NKAIN3: variants seen among roughly 807,000 people sequenced by gnomAD.
NKAIN3 encodes sodium/potassium-transporting ATPase subunit beta-1-interacting protein 3.
Under a neutral mutation model 30.2 loss-of-function variants are expected in NKAIN3, and 25 were observed. The ratio of observed to expected loss-of-function variants is 0.83; its 90% CI spans 0.60 to 1.16. The LOEUF (loss-of-function observed/expected upper bound fraction) is 1.16, where lower values mean the gene tolerates loss of function less well. Ranked by LOEUF, NKAIN3 falls within the 50% of genes most tolerant of loss-of-function variation. The probability of loss-of-function intolerance (pLI) is 0.00; values close to 1 mark genes in which losing one functional copy is unlikely to be tolerated. For synonymous variants in NKAIN3, 91 were observed against 89.6 expected (o/e 1.02, Z -0.09); for missense variants, 225 against 254.1 (o/e 0.89, Z 0.78).
chr8:62,296,217 T>C (rs1813823930), intron 1 of NKAIN3, among the ~76,000 whole-genome samples: 1 of 152,130 alleles, frequency 6.6e-6, no homozygotes, highest in Non-Finnish European at 1.5e-5. Context: ...TCCTGGAATG[T>C]TTGCTGCTAT....
rs555018116 is a variant in NKAIN3 at position 62,520,285 on chromosome 8, G to A, written c.55-59254G>A. On this transcript the variant is annotated intron_variant, in intron 1 of 6. Transcript: ENST00000623646. ...TACTGTGTCAGATTTATGATACTTAGGGAAGTATAATAAAAGATTTTCCAC... is the reference window on the plus strand; with the variant it reads ...TACTGTGTCAGATTTATGATACTTAAGGAAGTATAATAAAAGATTTTCCAC... 2.0e-5 allele frequency among the ~76,000 whole-genome samples: 3 copies of A among 152,068 alleles called. No homozygotes were observed. In the South Asian group the frequency reaches 6.2e-4, roughly 32 times the overall value.
At chr8:62,827,376 C>G (rs904404409) in intron 4 of NKAIN3, among the ~76,000 whole-genome samples, 8 of 152,148 alleles carry the variant, frequency 5.3e-5, no homozygotes, top group African/African-American at 1.9e-4. Flanking sequence ...AAAAAAATAG[C>G]CTTACAGGTT....
intron 3 of NKAIN3, among the ~76,000 whole-genome samples, chr8:62,636,751 C>T (rs1291626681): frequency 2.0e-5 from 3 of 152,180 alleles, no homozygotes; most frequent in South Asian, 2.1e-4. Flanking sequence ...TTGTAAACAA[C>T]AAAAAATCAT....
At chr8:62,322,471 C>T (rs549480307) in intron 1 of NKAIN3, among the ~76,000 whole-genome samples, 1 of 152,204 alleles carries the variant, frequency 6.6e-6, no homozygotes, top group African/African-American at 2.4e-5. Flanking sequence ...CTTGGCTCCA[C>T]CCCAGGATTT....
At position 62,979,216 on chromosome 8, in the gene NKAIN3, T is replaced by C. The variant is rs1426707757; in HGVS notation, c.*13809T>C. 2 of 152,062 alleles carry C rather than the reference T, an allele frequency of 1.3e-5. No individual in the cohort carries two copies. The highest frequency in any genetic ancestry group is 2.1e-4 in the South Asian group (1 of 4,814). 9.4% of individuals were successfully genotyped at this position (152,062 alleles called of 1,614,324 possible). ...TTGCATATTCTTCCTAGGCTGGGTGTGTGTGTGTGAAAGAGAGAGAGAAAC... is the reference window on the plus strand; with the variant it reads ...TTGCATATTCTTCCTAGGCTGGGTGCGTGTGTGTGAAAGAGAGAGAGAAAC... On this transcript the variant is annotated 3_prime_UTR_variant, in exon 7 of 7. Transcript: ENST00000623646.
intron 1 of NKAIN3, among the ~76,000 whole-genome samples, chr8:62,535,423 G>A (rs760288432): frequency 3.9e-5 from 6 of 151,908 alleles, no homozygotes; most frequent in Non-Finnish European, 8.8e-5. Context: ...CTCACAGGTT[G>A]AGGGCTCAGT....
chr8:62,919,858 G>C (rs1471456027), intron 5 of NKAIN3, among the ~76,000 whole-genome samples: 1 of 151,716 alleles, frequency 6.6e-6, no homozygotes, highest in Non-Finnish European at 1.5e-5. Flanking sequence ...GTATCAGGCA[G>C]TGAAAGCATG....
rs574635733 is a variant in NKAIN3 at position 62,450,859 on chromosome 8, A to G, written c.55-128680A>G. On this transcript the variant is annotated intron_variant, in intron 1 of 6. Coordinates refer to ENST00000623646, the MANE Select transcript of NKAIN3 (RefSeq NM_001304533.3). ...GAATGTCTTATGTTATTGTGGTGTGATATATTTTGAACACACTTCACTATA... is the reference window on the plus strand; with the variant it reads ...GAATGTCTTATGTTATTGTGGTGTGGTATATTTTGAACACACTTCACTATA... Among the ~76,000 whole-genome samples the G allele has an allele frequency of 8.5e-5, 13 of 152,280 alleles. No homozygotes were observed. In the East Asian group the frequency reaches 1.5e-3, roughly 18 times the overall value.
chr8:62,476,253 G>A (rs1217165049), intron 1 of NKAIN3, among the ~76,000 whole-genome samples: 1 of 152,234 alleles, frequency 6.6e-6, no homozygotes, highest in East Asian at 1.9e-4. Flanking sequence ...AGCACAGAGG[G>A]AAGTGACAAG....
intron 1 of NKAIN3, among the ~76,000 whole-genome samples, chr8:62,531,609 G>C (rs1330194289): frequency 6.6e-6 from 1 of 152,174 alleles, no homozygotes; most frequent in Non-Finnish European, 1.5e-5. Context: ...TTCAAGGGCA[G>C]GGACATGCTT....
At chr8:62,764,113 A>G (rs1455723517) in intron 4 of NKAIN3, among the ~76,000 whole-genome samples, 4 of 152,224 alleles carry the variant, frequency 2.6e-5, no homozygotes, top group Non-Finnish European at 5.9e-5. Flanking sequence ...CATTTGGCTG[A>G]TGCCCTTTGG....
chr8:62,747,288 G>A (rs1816108998), intron 4 of NKAIN3, among the ~76,000 whole-genome samples, 159 bp downstream of exon 4: 1 of 152,134 alleles, frequency 6.6e-6, no homozygotes, highest in African/African-American at 2.4e-5. Flanking sequence ...CTGATGGCAG[G>A]TTACACCTTT....
chr8:62,398,855 AC>A (rs2129595085), intron 1 of NKAIN3, among the ~76,000 whole-genome samples: 1 of 152,164 alleles, frequency 6.6e-6, no homozygotes, highest in Admixed American at 6.5e-5. Flanking sequence ...ACTTTGGGAG[AC>A]CAAGGCAGGC....
At chr8:62,485,098 G>A (rs1008542329) in intron 1 of NKAIN3, among the ~76,000 whole-genome samples, 1 of 152,194 alleles carries the variant, frequency 6.6e-6, no homozygotes, top group Non-Finnish European at 1.5e-5. Context: ...GGGCCAGAGA[G>A]AGGCATGGTC....
Position 62,558,696 on chromosome 8 carries a change from T to C in NKAIN3, c.55-20843T>C, listed in dbSNP as rs950530986. 7.2e-5 allele frequency among the ~76,000 whole-genome samples: 11 copies of C among 152,192 alleles called. No individual in the cohort carries two copies. In the South Asian group the frequency reaches 1.2e-3, roughly 17 times the overall value. Reference sequence around the variant, plus strand: ...TGTTTTCAAATTCATTGATTTCTCCTTATCTCTACCATTTCCTTTCTCCTG... The same window carrying C: ...TGTTTTCAAATTCATTGATTTCTCCCTATCTCTACCATTTCCTTTCTCCTG... On this transcript the variant is annotated intron_variant, in intron 1 of 6. Transcript: ENST00000623646.
intron 1 of NKAIN3, among the ~76,000 whole-genome samples, chr8:62,341,837 C>T (rs892636493): frequency 6.6e-5 from 10 of 151,928 alleles, no homozygotes; most frequent in Admixed American, 1.3e-4. Context: ...CCAGGACCTG[C>T]GGAGTTAGAT....
Position 62,974,010 on chromosome 8 carries a change from T to C in NKAIN3, c.*8603T>C, listed in dbSNP as rs775276967. Among the ~76,000 whole-genome samples the C allele has an allele frequency of 6.6e-6, 1 of 152,204 alleles. No individual in the cohort carries two copies. Among genetic ancestry groups the C allele is most frequent in the Non-Finnish European group, 1.5e-5 (1 of 68,024 alleles). On this transcript the variant is annotated 3_prime_UTR_variant, in exon 7 of 7. Coordinates refer to ENST00000623646, the MANE Select transcript of NKAIN3 (RefSeq NM_001304533.3). ...TGTTATTTCTGAGGCCTCTGTTCTG[T>C]TGCATTGGTCTATATATCTGTTTTA... is the stretch of plus-strand genomic sequence containing the variant.
intron 1 of NKAIN3, among the ~76,000 whole-genome samples, chr8:62,530,590 C>T (rs1468126507): frequency 1.3e-5 from 2 of 151,992 alleles, no homozygotes; most frequent in Non-Finnish European, 2.9e-5. Flanking sequence ...TTTCTCTACT[C>T]TGCATTTCCT....
chr8:62,293,293 T>C (rs551144541), intron 1 of NKAIN3, among the ~76,000 whole-genome samples: 2 of 152,360 alleles, frequency 1.3e-5, no homozygotes, highest in South Asian at 4.1e-4. Flanking sequence ...GCTGCGTTCC[T>C]TTGGAGGAGA....
Sources: gnomAD v4.1 joint callset for allele counts (sites outside exome capture counted in the v4.1 genomes callset) on GRCh38, gnomAD v4.1.1 for gene constraint, MANE v1.5 for transcripts, NCBI Gene and HGNC (gene_info 2026-07-23, HGNC 2026-07-21) for gene names.